SRBD1: variants seen among roughly 807,000 people sequenced by gnomAD.
SRBD1 encodes S1 RNA-binding domain-containing protein 1.
A neutral mutation model predicts 115.3 loss-of-function variants in SRBD1; 88 were observed. That is an observed-to-expected ratio of 0.76 (90% CI 0.64 to 0.91). The LOEUF (loss-of-function observed/expected upper bound fraction) is 0.91, where lower values mean the gene tolerates loss of function less well. Among genes scored for constraint, SRBD1 ranks in the 40% least tolerant of loss-of-function variants. The probability of loss-of-function intolerance (pLI) is 0.00; values close to 1 mark genes in which losing one functional copy is unlikely to be tolerated. For missense variants in SRBD1, 1,385 were observed against 1,177.4 expected (o/e 1.18, Z -2.58); for synonymous variants, 509 against 407.7 (o/e 1.25, Z -2.99).
At chr2:45,545,379 CT>C (rs1166658408) in intron 14 of SRBD1, among the ~76,000 whole-genome samples, 3 of 148,610 alleles carry the variant, frequency 2.0e-5, no homozygotes, top group Admixed American at 1.3e-4. Flanking sequence ...TACATACTGC[CT>C]AAAGTTCAAT....
chr2:45,471,874 T>C (rs1002052419), intron 16 of SRBD1, among the ~76,000 whole-genome samples: 17 of 152,156 alleles, frequency 1.1e-4, no homozygotes, highest in Admixed American at 8.5e-4. Context: ...CTTAATAATA[T>C]GCAGTTATCA....
intron 16 of SRBD1, among the ~76,000 whole-genome samples, chr2:45,435,179 G>A (rs1057026291): frequency 6.6e-6 from 1 of 152,096 alleles, no homozygotes; most frequent in South Asian, 2.1e-4. Flanking sequence ...ATCACTGATG[G>A]ACATCTGGGT....
chr2:45,570,087 A>G (rs563271751), intron 9 of SRBD1, among the ~76,000 whole-genome samples: 3 of 152,340 alleles, frequency 2.0e-5, no homozygotes, highest in Admixed American at 6.5e-5. Context: ...TGCATTGTCT[A>G]TGACTGATTT....
intron 15 of SRBD1, among the ~76,000 whole-genome samples, chr2:45,485,447 T>G (rs1272714680): frequency 6.6e-6 from 1 of 152,228 alleles, no homozygotes; most frequent in Non-Finnish European, 1.5e-5. Flanking sequence ...TATCATGTCA[T>G]TTTAATCAAT....
intron 5 of SRBD1, among the ~76,000 whole-genome samples, chr2:45,583,220 A>C (rs946102414): frequency 1.3e-4 from 20 of 152,174 alleles, no homozygotes; most frequent in Non-Finnish European, 8.8e-5. Flanking sequence ...AATTAAAAAA[A>C]AAAAACTAAA....
chr2:45,510,205 T>G (rs1338852117), intron 14 of SRBD1, among the ~76,000 whole-genome samples: 1 of 152,214 alleles, frequency 6.6e-6, no homozygotes, highest in African/African-American at 2.4e-5. Flanking sequence ...TATTTAAAAA[T>G]GTAAGTTTTC....
intron 20 of SRBD1, among the ~76,000 whole-genome samples, chr2:45,391,745 T>A (rs1383529662): frequency 1.3e-5 from 2 of 152,128 alleles, no homozygotes; most frequent in Non-Finnish European, 2.9e-5. Flanking sequence ...TTGGACCATA[T>A]AATTTGAGTG....
intron 14 of SRBD1, among the ~76,000 whole-genome samples, chr2:45,536,170 T>C (rs1218243151): frequency 6.6e-6 from 1 of 152,006 alleles, no homozygotes. Flanking sequence ...TAATTAAACA[T>C]ATAAGAGCTA....
rs1667776324 is a variant in SRBD1 at position 45,415,064 on chromosome 2, T to C, written c.2334-1771A>G. 7.3e-4 allele frequency among the ~76,000 whole-genome samples: 4 copies of C among 5,500 alleles called. No individual in the cohort carries two copies. The South Asian group carries it at 0.038, about 53-fold the overall frequency. 3.6% of individuals were successfully genotyped at this position (5,500 alleles called of 152,430 possible). A position where few individuals can be genotyped will look rare whatever the true frequency, so the allele number is the denominator to read the frequency against. On this transcript the variant is annotated intron_variant, in intron 18 of 20. Transcript: ENST00000263736. ...ATAGTATGTATATACACACATATAG[T>C]GTGTATATAGTATGTATATACACAC...
intron 19 of SRBD1, among the ~76,000 whole-genome samples, chr2:45,410,859 G>A (rs530197959): frequency 2.0e-5 from 3 of 152,296 alleles, no homozygotes; most frequent in African/African-American, 7.2e-5. Flanking sequence ...AGGGTAGTAT[G>A]CCCATGTAGA....
At chr2:45,503,651 G>T (rs1376919482) in intron 14 of SRBD1, among the ~76,000 whole-genome samples, 1 of 152,150 alleles carries the variant, frequency 6.6e-6, no homozygotes, top group Non-Finnish European at 1.5e-5. Flanking sequence ...GGCAGCTAAA[G>T]TTCAAATCTT....
chr2:45,511,259 T>C (rs747722566), intron 14 of SRBD1, among the ~76,000 whole-genome samples: 5 of 152,250 alleles, frequency 3.3e-5, no homozygotes, highest in Admixed American at 6.5e-5. Flanking sequence ...CAAAGCTGCG[T>C]ATCTTCGGAA....
chr2:45,610,838 G>A (rs1674424035), intron 1 of SRBD1, among the ~76,000 whole-genome samples: 1 of 151,912 alleles, frequency 6.6e-6, no homozygotes, highest in Non-Finnish European at 1.5e-5. Context: ...TGAGGCAGGC[G>A]AATGGCGTGA....
At chr2:45,457,109 C>G (rs1339971977) in intron 16 of SRBD1, among the ~76,000 whole-genome samples, 1 of 151,768 alleles carries the variant, frequency 6.6e-6, no homozygotes, top group Non-Finnish European at 1.5e-5. Flanking sequence ...ATAGAAAAGT[C>G]TAACACAGAG....
At chr2:45,483,098 T>C (rs1006493138) in intron 15 of SRBD1, among the ~76,000 whole-genome samples, 11 of 152,206 alleles carry the variant, frequency 7.2e-5, no homozygotes, top group Non-Finnish European at 1.5e-4. Flanking sequence ...AAAAATGCAA[T>C]TTTAAAAAAT....
chr2:45,452,433 T>C (rs1000893721), intron 16 of SRBD1, among the ~76,000 whole-genome samples: 2 of 151,982 alleles, frequency 1.3e-5, no homozygotes, highest in Non-Finnish European at 2.9e-5. Context: ...AATATTTGTA[T>C]ATAAAATTAA....
intron 16 of SRBD1, among the ~76,000 whole-genome samples, chr2:45,448,680 A>G (rs931341877): frequency 6.6e-6 from 1 of 152,226 alleles, no homozygotes; most frequent in East Asian, 1.9e-4. Context: ...AGACCTGCAG[A>G]TAACTATTTT....
chr2:45,585,481 A>G (rs1673489490), intron 5 of SRBD1, 127 bp downstream of exon 5: 2 of 1,019,960 alleles, frequency 2.0e-6, no homozygotes, highest in Non-Finnish European at 2.8e-6. Context: ...AGAGGACTAT[A>G]TCCAGATTAC....
intron 5 of SRBD1, among the ~76,000 whole-genome samples, chr2:45,585,018 C>G (rs1027598832): frequency 6.6e-6 from 1 of 151,930 alleles, no homozygotes; most frequent in Non-Finnish European, 1.5e-5. Flanking sequence ...GGCGTGGTGG[C>G]GCATTCCTGT....
Sources: gnomAD v4.1 joint callset for allele counts (sites outside exome capture counted in the v4.1 genomes callset) on GRCh38, gnomAD v4.1.1 for gene constraint, MANE v1.5 for transcripts, NCBI Gene and HGNC (gene_info 2026-07-23, HGNC 2026-07-21) for gene names.